FAM222B: variants seen among roughly 807,000 people sequenced by gnomAD.
FAM222B encodes family with sequence similarity 222 member B.
FAM222B carries 12 observed loss-of-function variants against 38.0 expected under a neutral mutation model. The observed-to-expected ratio is 0.32, with a 90% CI of 0.20 to 0.51. FAM222B has a LOEUF of 0.51. Among genes scored for constraint, FAM222B ranks in the 20% least tolerant of loss-of-function variants. The probability of loss-of-function intolerance (pLI) is 0.97; values close to 1 mark genes in which losing one functional copy is unlikely to be tolerated. For missense variants in FAM222B, 716 were observed against 754.2 expected, an observed-to-expected ratio of 0.95 and a Z score of 0.59; for synonymous variants, 329 against 317.2, an observed-to-expected ratio of 1.04 and a Z score of -0.40.
At chr17:28,801,143 C>T (rs184643600) in intron 1 of FAM222B, among the ~76,000 whole-genome samples, 74 of 140,104 alleles carry the variant, frequency 5.3e-4, no homozygotes, top group African/African-American at 1.8e-3. Context: ...GACGACAGAG[C>T]GAGACTCCGT....
upstream of FAM222B, among the ~76,000 whole-genome samples, chr17:28,845,364 G>T (rs2039138045): frequency 6.6e-6 from 1 of 151,290 alleles, no homozygotes; most frequent in Non-Finnish European, 1.5e-5. Flanking sequence ...CGGTGCCACT[G>T]CACTCCAGCC....
chr17:28,844,288 A>G (rs950734986), upstream of FAM222B, among the ~76,000 whole-genome samples: 1 of 152,170 alleles, frequency 6.6e-6, no homozygotes, highest in East Asian at 1.9e-4. Flanking sequence ...GTTTGGACAC[A>G]TAAGGCCCAA....
At chr17:28,776,966 G>A (rs920188784) in intron 1 of FAM222B, 9 of 152,088 alleles carry the variant, frequency 5.9e-5, no homozygotes, top group African/African-American at 2.2e-4. Context: ...CTGTTACAAT[G>A]AAACAATCCA....
intron 1 of FAM222B, among the ~76,000 whole-genome samples, chr17:28,781,103 A>C (rs904912117): frequency 1.2e-4 from 18 of 152,130 alleles, no homozygotes; most frequent in African/African-American, 3.9e-4. Flanking sequence ...AAAAATGCTC[A>C]ACATTGGTAA....
chr17:28,835,524 T>C (rs562595674), intron 1 of FAM222B, among the ~76,000 whole-genome samples: 1 of 152,298 alleles, frequency 6.6e-6, no homozygotes, highest in African/African-American at 2.4e-5. Flanking sequence ...AGTTATGGCT[T>C]ACTGGTAGAA....
At chr17:28,835,917 C>T (rs893369137) in intron 1 of FAM222B, among the ~76,000 whole-genome samples, 1 of 152,032 alleles carries the variant, frequency 6.6e-6, no homozygotes, top group Non-Finnish European at 1.5e-5. Flanking sequence ...TCAGGTGATC[C>T]TCCTGCCTAG....
chr17:28,850,217 G>A (rs557132559), intron 1 of FAM222B, among the ~76,000 whole-genome samples: 7 of 152,166 alleles, frequency 4.6e-5, no homozygotes, highest in Admixed American at 1.3e-4. Flanking sequence ...CAGGGATTGC[G>A]ATTTGAATTT....
intron 1 of FAM222B, among the ~76,000 whole-genome samples, chr17:28,833,258 G>C (rs922906807): frequency 6.6e-6 from 1 of 151,600 alleles, no homozygotes; most frequent in African/African-American, 2.4e-5. Context: ...GCAGTGAGCT[G>C]AGATGGCCCC....
At chr17:28,835,175 G>A (rs1438483733) in intron 1 of FAM222B, among the ~76,000 whole-genome samples, 16 of 152,020 alleles carry the variant, frequency 1.1e-4, no homozygotes. Flanking sequence ...CTCCTGAGTA[G>A]CTGGGATTAC....
chr17:28,803,521 T>A (rs2037335899), intron 1 of FAM222B, among the ~76,000 whole-genome samples: 1 of 151,924 alleles, frequency 6.6e-6, no homozygotes, highest in Non-Finnish European at 1.5e-5. Context: ...GGTCTCAAAC[T>A]CCTGGGCTCA....
In FAM222B at chr17:28,759,915, G is replaced by A; in HGVS notation, c.83-39C>T. The A allele has an allele frequency of 6.7e-7, 1 of 1,489,840 alleles. No individual in the cohort carries two copies. The highest frequency in any genetic ancestry group is 9.0e-7 in the Non-Finnish European group (1 of 1,113,812). The allele number at this position is 1,489,840 out of a possible 1,614,324, so 92.3% of individuals were successfully genotyped here. ...ATGGGAAGGAGAGCAAAGAGGGAGA[G>A]GGAGCTCATCAGTGCCAAGGCAAAC... On this transcript the variant is annotated intron_variant, in intron 2 of 2. Transcript: ENST00000581407. This position sits in a 1 kb window ranked among gnomAD's most constrained non-coding sequence, Gnocchi z 4.8.
chr17:28,831,342 C>T (rs115284291), intron 1 of FAM222B, among the ~76,000 whole-genome samples: 74 of 151,962 alleles, frequency 4.9e-4, no homozygotes, highest in African/African-American at 1.7e-3. Context: ...ATGTATCTAT[C>T]CTTCTGCCAA....
chr17:28,845,033 C>T (rs903968625), upstream of FAM222B, among the ~76,000 whole-genome samples: 1 of 151,102 alleles, frequency 6.6e-6, no homozygotes, highest in East Asian at 2.0e-4. Flanking sequence ...AACCCAGGAA[C>T]GGAGGTTACA....
upstream of FAM222B, among the ~76,000 whole-genome samples, chr17:28,845,270 G>C (rs1365709577): frequency 6.6e-6 from 1 of 151,464 alleles, no homozygotes; most frequent in East Asian, 2.0e-4. Context: ...GCATGGTGGC[G>C]GGCCCCTGCA....
intron 1 of FAM222B, among the ~76,000 whole-genome samples, chr17:28,801,103 G>A (rs2037197710): frequency 1.3e-5 from 2 of 150,396 alleles, no homozygotes; most frequent in Non-Finnish European, 3.0e-5. Flanking sequence ...GTTAAAGTGA[G>A]CCGAGATCGT....
At chr17:28,840,071 C>G (rs1468705069) in intron 1 of FAM222B, among the ~76,000 whole-genome samples, 1 of 152,134 alleles carries the variant, frequency 6.6e-6, no homozygotes, top group Non-Finnish European at 1.5e-5. Context: ...GAGTCTGCAT[C>G]TCTACTTTAG....
In FAM222B at chr17:28,759,242, G is replaced by T. The variant is rs371572357; in HGVS notation, c.717C>A (p.Pro239=). The T allele has an allele frequency of 1.2e-6, 2 of 1,613,560 alleles. No individual in the cohort carries two copies. The highest frequency in any genetic ancestry group is 2.7e-5 in the African/African-American group (2 of 74,916). ...TTGAGGTAGACACGGTCACATTCGGGGGGGCATCTGAGTCTGGCATCTTCC... is the reference window on the plus strand; with the variant it reads ...TTGAGGTAGACACGGTCACATTCGGTGGGGCATCTGAGTCTGGCATCTTCC... ...GGRKMPDSDA[P]PNVTVSTSTI... Residue 239 remains proline (P), a synonymous_variant, in exon 3 of 3, where the codon CCC becomes CCA. Transcript: ENST00000581407. The surrounding 1 kb of genome is among the most constrained non-coding windows in gnomAD (Gnocchi z 4.8).
chr17:28,804,411 C>T (rs541178276), intron 1 of FAM222B, among the ~76,000 whole-genome samples: 3 of 152,076 alleles, frequency 2.0e-5, no homozygotes, highest in Admixed American at 6.5e-5. Context: ...CTCGGCTCAC[C>T]GCAACCTCCA....
chr17:28,824,891 G>A (rs1419644635), intron 1 of FAM222B, among the ~76,000 whole-genome samples: 6 of 151,942 alleles, frequency 3.9e-5, no homozygotes, highest in Non-Finnish European at 7.4e-5. Context: ...TCAGCCTCCC[G>A]AGTAGCTGGG....
Sources: allele counts gnomAD v4.1 joint callset (sites outside exome capture counted in the v4.1 genomes callset), GRCh38; gene constraint gnomAD v4.1.1; non-coding constraint Gnocchi (gnomAD v3.1); transcripts MANE v1.5; gene names NCBI Gene and HGNC (gene_info 2026-07-23, HGNC 2026-07-21).